The following KATNAL2 variants were observed in gnomAD, a reference collection of about 807,000 sequenced individuals.
KATNAL2 encodes the protein katanin catalytic subunit A1 like 2, also known as katanin p60 ATPase-containing subunit A-like 2.
A neutral mutation model predicts 76.3 loss-of-function variants in KATNAL2; 52 were observed. The observed-to-expected ratio is 0.68, with a 90% CI of 0.55 to 0.86. The LOEUF is 0.86. KATNAL2 is among the 40% of genes least tolerant of loss of function. KATNAL2 has a pLI of 0.00. For missense variants in KATNAL2, 660 were observed against 668.9 expected (o/e 0.99, Z 0.15); for synonymous variants, 243 against 244.2 (o/e 1.00, Z 0.05).
At chr18:47,047,324 C>T (rs1169720412) in intron 4 of KATNAL2, among the ~76,000 whole-genome samples, 2 of 152,198 alleles carry the variant, frequency 1.3e-5, no homozygotes, top group Non-Finnish European at 2.9e-5. Context: ...TTTTCCTTTC[C>T]TCTACACATT....
At chr18:47,042,888 G>A in intron 3 of KATNAL2, among the ~76,000 whole-genome samples, 1 of 152,132 alleles carries the variant, frequency 6.6e-6, no homozygotes, top group South Asian at 2.1e-4. Flanking sequence ...AATGGAAAAT[G>A]ACCTACACCA....
At chr18:46,965,830 A>G (rs1215637612) in intron 3 of KATNAL2, among the ~76,000 whole-genome samples, 4 of 139,670 alleles carry the variant, frequency 2.9e-5, no homozygotes, top group African/African-American at 1.0e-4. Flanking sequence ...TACTGGTGCC[A>G]CGGTTTGGGC....
intron 1 of KATNAL2, among the ~76,000 whole-genome samples, chr18:46,923,273 A>G (rs1352884069): frequency 7.4e-5 from 9 of 121,588 alleles, no homozygotes; most frequent in Non-Finnish European, 1.4e-4. Flanking sequence ...TCCTGTGTCC[A>G]TGTGTTCTCA....
At chr18:47,073,615 G>C (rs1009819474) in intron 13 of KATNAL2, among the ~76,000 whole-genome samples, 2 of 152,192 alleles carry the variant, frequency 1.3e-5, no homozygotes, top group African/African-American at 2.4e-5. Flanking sequence ...CAATTAAAGA[G>C]TTATTTATAG....
At chr18:47,042,009 G>A (rs1005312580) in intron 3 of KATNAL2, among the ~76,000 whole-genome samples, 1 of 152,040 alleles carries the variant, frequency 6.6e-6, no homozygotes, top group Non-Finnish European at 1.5e-5. Context: ...CTTTTGTGAA[G>A]TGTCAGTTCA....
chr18:46,953,085 G>A lies in KATNAL2; in HGVS notation c.51+6162G>A, dbSNP rs561522690. ...AATTTTTTTAAGTTTTAGTAGAGACGGGGTTTCACCGTGTTAGCCAGGATG... is the reference window on the plus strand; with the variant it reads ...AATTTTTTTAAGTTTTAGTAGAGACAGGGTTTCACCGTGTTAGCCAGGATG... On this transcript the variant is annotated intron_variant, in intron 3 of 17. Transcript: ENST00000683218. Among the ~76,000 whole-genome samples the A allele has an allele frequency of 3.3e-5, 5 of 151,626 alleles. No individual in the cohort carries two copies. The East Asian group carries it at 7.9e-4, about 24-fold the overall frequency.
chr18:46,942,011 T>A (rs2059259927), intron 1 of KATNAL2, among the ~76,000 whole-genome samples: 2 of 152,078 alleles, frequency 1.3e-5, no homozygotes, highest in Non-Finnish European at 2.9e-5. Context: ...TAATTTAAAT[T>A]AAAGGGTGAG....
chr18:46,929,032 G>C (rs992078644), intron 1 of KATNAL2, among the ~76,000 whole-genome samples: 3 of 152,048 alleles, frequency 2.0e-5, no homozygotes, highest in Non-Finnish European at 4.4e-5. Flanking sequence ...TCCTGACCTT[G>C]TGATTCACCC....
At chr18:47,033,918 G>A in intron 3 of KATNAL2, 2 of 1,613,014 alleles carry the variant, frequency 1.2e-6, no homozygotes, top group Non-Finnish European at 1.7e-6. Context: ...TTTTCGGCCC[G>A]GCGGAATCAG....
rs1220929560 is a variant in KATNAL2, at chr18:47,071,820, A to C, written c.1008+2220A>C. The stretch of plus-strand genomic sequence containing the variant: ...TCCTGTGTGAGCATTGTATTTACTT[A>C]AAGTTTTCCTCTGGTTCAGTATTAT... On this transcript the variant is annotated intron_variant, in intron 13 of 17. Coordinates refer to ENST00000683218, the MANE Select transcript of KATNAL2 (RefSeq NM_001387690.1). 2.0e-5 allele frequency among the ~76,000 whole-genome samples: 3 copies of C among 151,664 alleles called. No homozygotes were observed. The East Asian group carries it at 5.8e-4, about 29-fold the overall frequency.
Position 47,058,272 on chromosome 18 carries a change from A to G in KATNAL2, c.370A>G (p.Asn124Asp). 6.2e-7 allele frequency: 1 copy of G among 1,614,094 alleles called. No homozygotes were observed. The highest frequency in any genetic ancestry group is 8.5e-7 in the Non-Finnish European group (1 of 1,179,922). Residue 124 changes from asparagine to aspartate, a missense_variant, in exon 7 of 18, where the codon AAT (asparagine) becomes GAT (aspartate). Transcript: ENST00000683218. ...NDSCQNLPKI[N>D]QQRPRSKTTA... is the part of the protein sequence containing the mutation. ...CAGTTGTCAAAATCTTCCCAAGATC[A>G]ATCAGCAGAGGCCCCGGTCCAAAAC...
At chr18:47,049,291 T>G (rs2061267432) in intron 4 of KATNAL2, among the ~76,000 whole-genome samples, 1 of 152,230 alleles carries the variant, frequency 6.6e-6, no homozygotes, top group Non-Finnish European at 1.5e-5. Flanking sequence ...TGTAACATGC[T>G]TAGAATCATG....
chr18:47,059,344 T>G (rs2061563028), intron 7 of KATNAL2, among the ~76,000 whole-genome samples: 1 of 152,262 alleles, frequency 6.6e-6, no homozygotes, highest in Non-Finnish European at 1.5e-5. Context: ...TGGCATCTTC[T>G]CAGTCTTCCA....
chr18:47,081,102 C>T (rs1310618314), intron 15 of KATNAL2, among the ~76,000 whole-genome samples: 1 of 151,050 alleles, frequency 6.6e-6, no homozygotes, highest in African/African-American at 2.4e-5. Context: ...ATCACTTTAT[C>T]CCTCCCTCTT....
At chr18:47,098,138 A>G (rs1425526724) in intron 15 of KATNAL2, 2 of 282,766 alleles carry the variant, frequency 7.1e-6, no homozygotes, top group Non-Finnish European at 1.4e-5. Context: ...GTATGTATAT[A>G]GATGTTCAAT....
intron 3 of KATNAL2, among the ~76,000 whole-genome samples, chr18:47,037,342 C>G (rs1415155074): frequency 6.6e-6 from 1 of 152,022 alleles, no homozygotes; most frequent in South Asian, 2.1e-4. Context: ...CAATAGCCCA[C>G]AAAGGAAATG....
chr18:46,948,888 T>TGTGTGTGTG (rs1569005852), intron 3 of KATNAL2, among the ~76,000 whole-genome samples: 33 of 145,886 alleles, frequency 2.3e-4, no homozygotes, highest in South Asian at 6.7e-4. Context: ...AGTATCTGCA[T>TGTGTGTGTG]TGTGTGTGTG....
chr18:46,925,808 C>G (rs1409213561), intron 1 of KATNAL2, among the ~76,000 whole-genome samples: 4 of 152,092 alleles, frequency 2.6e-5, no homozygotes, highest in Middle Eastern at 3.2e-3. Context: ...CTGGTTTAGT[C>G]TTGGGAGGAT....
intron 3 of KATNAL2, among the ~76,000 whole-genome samples, chr18:46,952,572 G>A (rs1313680578): frequency 6.6e-6 from 1 of 151,736 alleles, no homozygotes; most frequent in Admixed American, 6.6e-5. Flanking sequence ...GCTAACTTTT[G>A]TATTTTTAGT....
Sources: gnomAD v4.1 joint callset for allele counts (sites outside exome capture counted in the v4.1 genomes callset) on GRCh38, gnomAD v4.1.1 for gene constraint, MANE v1.5 for transcripts, NCBI Gene and HGNC (gene_info 2026-07-23, HGNC 2026-07-21) for gene names.